The following TEX36 variants were observed in gnomAD, a reference collection of about 807,000 sequenced individuals.
TEX36 encodes testis expressed 36.
TEX36 carries 12 observed loss-of-function variants against 13.6 expected under a neutral mutation model. The ratio of observed to expected loss-of-function variants is 0.88; its 90% CI spans 0.56 to 1.43. TEX36 has a LOEUF of 1.43. TEX36 is among the 40% of genes most tolerant of loss of function. The pLI, the probability that TEX36 is intolerant of heterozygous loss-of-function variation, is 0.00. For synonymous variants in TEX36, 93 were observed against 83.0 expected (o/e 1.12, Z -0.65); for missense variants, 224 against 228.3 (o/e 0.98, Z 0.12).
rs41307583 is a variant in TEX36, at chr10:125,655,920, C to T, written c.541G>A (p.Val181Ile). ...KVRFTVDKKV[V>I]SSLES The stretch of plus-strand genomic sequence containing the variant: ...GAGGATTAGGACTCCAGTGAAGAAA[C>T]AACCTTTTTGTCAACAGTGAACCTT... The change falls in exon 4 of 4, where the codon GTT becomes ATT. Residue 181 changes from valine (V) to isoleucine (I), a missense_variant. Physicochemically the swap from Val to Ile is conservative, Grantham distance 29. Coordinates refer to ENST00000368821, the MANE Select transcript of TEX36 (RefSeq NM_001128202.3). 52,103 of 1,526,512 alleles carry T rather than the reference C, an allele frequency of 0.034. 1,015 individuals are homozygous for T. The highest frequency in any genetic ancestry group is 0.039 in the Non-Finnish European group (44,710 of 1,134,720). 94.6% of individuals were successfully genotyped at this position (1,526,512 alleles called of 1,614,324 possible). A position where few individuals can be genotyped will look rare whatever the true frequency, so the allele number is the denominator to read the frequency against.
chr10:125,587,981 G>A (rs984420673), intron 3 of TEX36, among the ~76,000 whole-genome samples: 2 of 151,990 alleles, frequency 1.3e-5, no homozygotes, highest in Non-Finnish European at 2.9e-5. Flanking sequence ...TTTTTAACTA[G>A]ATTCTCCATC....
intron 3 of TEX36, among the ~76,000 whole-genome samples, chr10:125,616,535 G>A (rs297232): frequency 0.012 from 1,267 of 102,640 alleles, 22 homozygotes; most frequent in South Asian, 0.055. Context: ...CCTTCATTTC[G>A]TTATGTACCC....
At chr10:125,661,328 T>C (rs1406538681) in intron 2 of TEX36, among the ~76,000 whole-genome samples, 2 of 152,106 alleles carry the variant, frequency 1.3e-5, no homozygotes, top group Admixed American at 6.5e-5. Context: ...CCCAAAGTCA[T>C]AAAAATTATC....
intron 3 of TEX36, among the ~76,000 whole-genome samples, chr10:125,598,566 C>T (rs535552979): frequency 7.2e-5 from 11 of 152,282 alleles, no homozygotes; most frequent in Non-Finnish European, 1.2e-4. Context: ...ATTGCCAAGC[C>T]GGCCTAATTT....
chr10:125,651,748 C>T (rs924293142), downstream of TEX36, among the ~76,000 whole-genome samples: 4 of 152,090 alleles, frequency 2.6e-5, no homozygotes, highest in East Asian at 5.8e-4. Flanking sequence ...TTAGAAAACC[C>T]CATCATCTCA....
chr10:125,679,831 T>G (rs1194809352), intron 1 of TEX36, among the ~76,000 whole-genome samples: 1 of 152,224 alleles, frequency 6.6e-6, no homozygotes, highest in Non-Finnish European at 1.5e-5. Context: ...TCAGCCATCT[T>G]GACGCCCCTC....
At chr10:125,632,324 TTATC>T (rs1329402633) in intron 3 of TEX36, among the ~76,000 whole-genome samples, 1 of 152,082 alleles carries the variant, frequency 6.6e-6, no homozygotes, top group Non-Finnish European at 1.5e-5. Flanking sequence ...CTTGGGATAT[TTATC>T]TGGTGAAATC....
rs775802374 is a variant in TEX36 at position 125,576,780 on chromosome 10, A to C, written c.359T>G (p.Leu120Arg). 21 of 1,535,682 alleles carry C rather than the reference A, an allele frequency of 1.4e-5. No individual in the cohort carries two copies. In the Middle Eastern group the frequency reaches 5.4e-4, roughly 39 times the overall value. Residue 120 changes from leucine to arginine, a missense_variant, in exon 4 of 4, where the codon CTG becomes CGG. Leu to Arg is a moderately radical substitution (Grantham distance 102). Transcript: ENST00000532135. ...TGCAAGGAGGGGTGCATTAGTTCTC[A>C]GGCCTGGATGAGGAATGGACTGGGT...
chr10:125,646,792 A>G (rs1267110405), intron 3 of TEX36, among the ~76,000 whole-genome samples: 1 of 152,172 alleles, frequency 6.6e-6, no homozygotes, highest in East Asian at 1.9e-4. Flanking sequence ...GGAAAAAAAA[A>G]TGGAAGTACC....
chr10:125,607,690 A>T (rs774947412), intron 3 of TEX36, among the ~76,000 whole-genome samples: 30 of 152,044 alleles, frequency 2.0e-4, no homozygotes, highest in Non-Finnish European at 3.7e-4. Flanking sequence ...CCCTGGGAGC[A>T]TAAGACCTCT....
chr10:125,586,338 G>GATA (rs1845949021), intron 3 of TEX36, among the ~76,000 whole-genome samples: 1 of 152,138 alleles, frequency 6.6e-6, no homozygotes, highest in Non-Finnish European at 1.5e-5. Context: ...GAACAACCTA[G>GATA]ATAGACACTA....
At chr10:125,650,947 G>T (rs1846843158), downstream of TEX36, among the ~76,000 whole-genome samples, 1 of 152,132 alleles carries the variant, frequency 6.6e-6, no homozygotes, top group African/African-American at 2.4e-5. Flanking sequence ...ACTAAACCAA[G>T]AAGAAGTTGA....
intron 3 of TEX36, among the ~76,000 whole-genome samples, chr10:125,636,049 A>G (rs1846619862): frequency 6.6e-6 from 1 of 150,896 alleles, no homozygotes; most frequent in African/African-American, 2.4e-5. Flanking sequence ...AATTTTTAAA[A>G]TGTATTGTAG....
chr10:125,606,587 G>C (rs1253365623), intron 3 of TEX36, among the ~76,000 whole-genome samples: 1 of 152,180 alleles, frequency 6.6e-6, no homozygotes, highest in Non-Finnish European at 1.5e-5. Context: ...TAGCTTATCA[G>C]ATCAGGGGGT....
chr10:125,664,465 C>A (rs1171407593), intron 1 of TEX36, among the ~76,000 whole-genome samples: 1 of 152,134 alleles, frequency 6.6e-6, no homozygotes, highest in South Asian at 2.1e-4. Flanking sequence ...TGGTTGTCCC[C>A]ATGCAAATCA....
intron 3 of TEX36, among the ~76,000 whole-genome samples, chr10:125,645,997 G>GA (rs1249578592): frequency 6.6e-6 from 1 of 152,058 alleles, no homozygotes; most frequent in Non-Finnish European, 1.5e-5. Flanking sequence ...AACAACAAAA[G>GA]AAAAAATCAA....
intron 3 of TEX36, among the ~76,000 whole-genome samples, chr10:125,634,417 C>T (rs752379618): frequency 5.3e-5 from 8 of 152,114 alleles, no homozygotes; most frequent in Non-Finnish European, 7.4e-5. Flanking sequence ...AGTCTTGATC[C>T]GAGTACTGAT....
chr10:125,601,994 C>A (rs1162806302), intron 3 of TEX36, among the ~76,000 whole-genome samples: 4 of 152,166 alleles, frequency 2.6e-5, no homozygotes, highest in African/African-American at 9.7e-5. Flanking sequence ...CATCCCCATA[C>A]CCCCAGCAGG....
chr10:125,614,941 A>C (rs947113366), intron 3 of TEX36, among the ~76,000 whole-genome samples: 1 of 151,990 alleles, frequency 6.6e-6, no homozygotes, highest in African/African-American at 2.4e-5. Context: ...ATTTGTTTGT[A>C]TCCTCTTTTA....
Sources: gnomAD v4.1 joint callset for allele counts (sites outside exome capture counted in the v4.1 genomes callset) on GRCh38, gnomAD v4.1.1 for gene constraint, MANE v1.5 for transcripts, NCBI Gene and HGNC (gene_info 2026-07-23, HGNC 2026-07-21) for gene names.